Variants in HTR1F observed in about 807,000 individuals in gnomAD.
HTR1F encodes 5-hydroxytryptamine receptor 1F.
In HTR1F, 17 loss-of-function variants were observed where a neutral mutation model predicts 24.0. The ratio of observed to expected loss-of-function variants is 0.71; its 90% CI spans 0.48 to 1.06. The LOEUF (loss-of-function observed/expected upper bound fraction) is 1.06. HTR1F is among the 50% of genes least tolerant of loss of function. The pLI is 0.00. For synonymous variants in HTR1F, 186 were observed against 156.8 expected (o/e 1.19, Z -1.39); for missense variants, 391 against 427.8 (o/e 0.91, Z 0.76).
At chr3:87,903,238 C>T (rs1185170542) in intron 2 of HTR1F, among the ~76,000 whole-genome samples, 1 of 149,806 alleles carries the variant, frequency 6.7e-6, no homozygotes, top group Non-Finnish European at 1.5e-5. Context: ...GTCTAAAACA[C>T]CAAAAGCAAT....
chr3:87,932,527 G>T (rs1352865938), intron 2 of HTR1F, among the ~76,000 whole-genome samples: 1 of 152,140 alleles, frequency 6.6e-6, no homozygotes, highest in African/African-American at 2.4e-5. Flanking sequence ...TGGCAATGTG[G>T]GCTCTTTTTT....
At position 87,840,659 on chromosome 3, in the gene HTR1F, C is replaced by A. The variant is rs146804586; in HGVS notation, c.-43+18535C>A. Among the ~76,000 whole-genome samples the A allele has an allele frequency of 9.2e-4, 138 of 150,206 alleles. 2 individuals are homozygous for A. Among genetic ancestry groups the A allele is most frequent in the African/African-American group, 3.4e-3 (134 of 39,624 alleles). ...GATATCCACACCCCCATATTTACTG[C>A]AGCATTATTCTCAATAGCTCAATAT... is the stretch of plus-strand genomic sequence containing the variant. On this transcript the variant is annotated intron_variant, in intron 2 of 2. Coordinates refer to ENST00000319595, the MANE Select transcript of HTR1F (RefSeq NM_001322209.2).
intron 2 of HTR1F, among the ~76,000 whole-genome samples, chr3:87,984,321 G>C (rs7630716): frequency 0.59 from 90,062 of 151,966 alleles, 26,944 homozygotes; most frequent in South Asian, 0.73. Flanking sequence ...TATATGTTAA[G>C]AGTTTTCATG....
chr3:87,967,547 C>T (rs906531417), intron 2 of HTR1F, among the ~76,000 whole-genome samples: 4 of 149,810 alleles, frequency 2.7e-5, no homozygotes, highest in East Asian at 3.9e-4. Context: ...ATAATTCCCA[C>T]GTGTCATTAG....
intron 2 of HTR1F, among the ~76,000 whole-genome samples, chr3:87,965,646 G>A (rs1013863572): frequency 1.4e-4 from 21 of 151,978 alleles, no homozygotes; most frequent in Admixed American, 2.6e-4. Flanking sequence ...AATAACTGGC[G>A]ACACACCTTA....
At chr3:87,941,863 C>T (rs1199124016) in intron 2 of HTR1F, among the ~76,000 whole-genome samples, 1 of 152,090 alleles carries the variant, frequency 6.6e-6, no homozygotes, top group East Asian at 1.9e-4. Context: ...GCACTAACCT[C>T]CACTGTCCAT....
intron 2 of HTR1F, among the ~76,000 whole-genome samples, chr3:87,919,510 C>T (rs186696645): frequency 1.3e-5 from 2 of 151,900 alleles, no homozygotes; most frequent in Non-Finnish European, 2.9e-5. Context: ...CTACAACGAA[C>T]TCAAACAAAT....
chr3:87,939,300 T>C (rs1008792231), intron 2 of HTR1F, among the ~76,000 whole-genome samples: 4 of 152,224 alleles, frequency 2.6e-5, no homozygotes, highest in Non-Finnish European at 5.9e-5. Context: ...GATTTTCGCG[T>C]TGATGTTCAT....
In HTR1F at chr3:87,992,032, T is replaced by C; in HGVS notation, c.*182T>C. On this transcript the variant is annotated 3_prime_UTR_variant, in exon 3 of 3. Transcript: ENST00000319595. ...TAAAAGTTATTGATCACCACTATTC[T>C]AGGGTATTCAAAATTAGAAAATAAT... 1 of 436,294 alleles carries C rather than the reference T, an allele frequency of 2.3e-6. No individual in the cohort carries two copies. The highest frequency in any genetic ancestry group is 7.0e-5 in the South Asian group (1 of 14,356). The allele number at this position is 436,294 out of a possible 1,614,324, so 27.0% of individuals were successfully genotyped here.
intron 2 of HTR1F, among the ~76,000 whole-genome samples, chr3:87,886,056 A>G (rs1478032909): frequency 1.3e-5 from 2 of 152,212 alleles, no homozygotes; most frequent in Non-Finnish European, 2.9e-5. Context: ...ATTTTAGAGC[A>G]GTATCCCTGA....
At chr3:87,846,945 T>C (rs919225093) in intron 2 of HTR1F, among the ~76,000 whole-genome samples, 9 of 151,896 alleles carry the variant, frequency 5.9e-5, no homozygotes, top group African/African-American at 2.2e-4. Flanking sequence ...AAAATAATTT[T>C]ATGGCAAGTA....
intron 2 of HTR1F, among the ~76,000 whole-genome samples, chr3:87,876,609 A>G (rs747698063): frequency 6.6e-6 from 1 of 152,208 alleles, no homozygotes; most frequent in Non-Finnish European, 1.5e-5. Flanking sequence ...GCATGGTTCC[A>G]CTTATAGGCG....
intron 2 of HTR1F, among the ~76,000 whole-genome samples, chr3:87,941,762 G>A (rs1175754004): frequency 6.6e-6 from 1 of 152,162 alleles, no homozygotes; most frequent in East Asian, 1.9e-4. Context: ...AAACCACTCT[G>A]CTTCCTCTGC....
intron 2 of HTR1F, among the ~76,000 whole-genome samples, chr3:87,852,828 A>G (rs1278317369): frequency 6.6e-6 from 1 of 151,814 alleles, no homozygotes; most frequent in Non-Finnish European, 1.5e-5. Flanking sequence ...ACCACAAAAT[A>G]TTAAAACTTA....
Position 87,991,329 on chromosome 3 carries a change from C to T in HTR1F, c.580C>T (p.Leu194=). ...YSTFGAFYIP[L]ALILILYYKI... ...AACATTTGGAGCTTTCTACATCCCA[C>T]TGGCATTGATTTTGATCCTTTACTA... The change falls in exon 3 of 3, where the codon CTG becomes TTG. Residue 194 remains leucine, a synonymous_variant. Coordinates refer to ENST00000319595, the MANE Select transcript of HTR1F (RefSeq NM_001322209.2). 6.2e-7 allele frequency: 1 copy of T among 1,613,930 alleles called. No homozygotes were observed. The highest frequency in any genetic ancestry group is 1.3e-5 in the African/African-American group (1 of 75,036).
rs374046799 is a variant in HTR1F, at chr3:87,985,417, C to T, written c.-42-5291C>T. On this transcript the variant is annotated intron_variant, in intron 2 of 2. Transcript: ENST00000319595. ...CAACTATTCAGTAATACATCTCCTA[C>T]AGAGAGAAAAATGGTGGTTAAAAGA... Among the ~76,000 whole-genome samples the T allele has an allele frequency of 2.6e-4, 39 of 151,802 alleles. 1 individual carries two copies. The South Asian group carries it at 5.4e-3, about 21-fold the overall frequency.
intron 2 of HTR1F, among the ~76,000 whole-genome samples, chr3:87,940,788 G>A (rs1193039367): frequency 6.6e-6 from 1 of 152,154 alleles, no homozygotes; most frequent in Non-Finnish European, 1.5e-5. Context: ...ATGGACCAAT[G>A]GAACATGGGG....
Position 87,950,785 on chromosome 3 carries a change from T to C in HTR1F, c.-42-39923T>C, listed in dbSNP as rs561307492. Reference sequence around the variant, plus strand: ...TTCAGAGGTTCGAAGTCAGAGTTGTTGTCAATTCATTGGTGGAAATGTCAT... The same window carrying C: ...TTCAGAGGTTCGAAGTCAGAGTTGTCGTCAATTCATTGGTGGAAATGTCAT... On this transcript the variant is annotated intron_variant, in intron 2 of 2. Coordinates refer to ENST00000319595, the MANE Select transcript of HTR1F (RefSeq NM_001322209.2). Among the ~76,000 whole-genome samples the C allele has an allele frequency of 7.2e-5, 11 of 152,324 alleles. No homozygotes were observed. In the East Asian group the frequency reaches 2.1e-3, roughly 29 times the overall value.
intron 1 of HTR1F, among the ~76,000 whole-genome samples, chr3:87,795,782 T>C (rs62267033): frequency 0.027 from 4,165 of 152,240 alleles, 68 homozygotes; most frequent in Middle Eastern, 0.048. Context: ...AATTGACATC[T>C]GAAACAGACA....
Sources: allele counts gnomAD v4.1 joint callset (sites outside exome capture counted in the v4.1 genomes callset), GRCh38; gene constraint gnomAD v4.1.1; transcripts MANE v1.5; gene names NCBI Gene and HGNC (gene_info 2026-07-23, HGNC 2026-07-21).